SPIDR: variants seen among roughly 807,000 people sequenced by gnomAD.
SPIDR encodes DNA repair-scaffolding protein.
In SPIDR, 93 loss-of-function variants were observed where a neutral mutation model predicts 104.6. The ratio of observed to expected loss-of-function variants is 0.89; its 90% CI spans 0.75 to 1.06. SPIDR has a LOEUF of 1.06. Among genes scored for constraint, SPIDR ranks in the 50% least tolerant of loss-of-function variants. The pLI, the probability that SPIDR is intolerant of heterozygous loss-of-function variation, is 0.00. For missense variants in SPIDR, 1,154 were observed against 1,111.2 expected (o/e 1.04, Z -0.55); for synonymous variants, 431 against 416.9 (o/e 1.03, Z -0.41).
chr8:47,338,602 T>A (rs1338897648), intron 5 of SPIDR, among the ~76,000 whole-genome samples: 1 of 152,168 alleles, frequency 6.6e-6, no homozygotes. Flanking sequence ...AATGAAGAAC[T>A]TAGAGATGGT....
At chr8:47,500,917 T>G (rs1211095720) in intron 8 of SPIDR, among the ~76,000 whole-genome samples, 1 of 152,194 alleles carries the variant, frequency 6.6e-6, no homozygotes, top group Non-Finnish European at 1.5e-5. Flanking sequence ...CCCCATTGCT[T>G]GTTTTTGTCA....
At chr8:47,305,730 G>GTTA (rs2042987378) in intron 5 of SPIDR, among the ~76,000 whole-genome samples, 3 of 152,130 alleles carry the variant, frequency 2.0e-5, no homozygotes, top group African/African-American at 7.2e-5. Flanking sequence ...AGAATAAAAT[G>GTTA]ATATGACTAG....
At chr8:47,657,559 T>TA (rs1345840602) in intron 10 of SPIDR, among the ~76,000 whole-genome samples, 2 of 152,090 alleles carry the variant, frequency 1.3e-5, no homozygotes, top group Non-Finnish European at 1.5e-5. Context: ...CACATACAAG[T>TA]AAAAGAGTGG....
At chr8:47,594,794 G>A (rs2061465390) in intron 8 of SPIDR, among the ~76,000 whole-genome samples, 1 of 152,042 alleles carries the variant, frequency 6.6e-6, no homozygotes, top group Non-Finnish European at 1.5e-5. Context: ...AGGAGTTTGA[G>A]ACCAATCTGG....
intron 8 of SPIDR, among the ~76,000 whole-genome samples, chr8:47,572,803 A>G (rs913200022): frequency 3.3e-5 from 5 of 152,188 alleles, no homozygotes; most frequent in Admixed American, 6.5e-5. Flanking sequence ...AAAGGCTTCC[A>G]TCGGATGGGT....
intron 5 of SPIDR, among the ~76,000 whole-genome samples, chr8:47,325,664 A>G (rs1200503274): frequency 1.3e-5 from 2 of 152,166 alleles, no homozygotes; most frequent in Non-Finnish European, 2.9e-5. Flanking sequence ...CAGACAATCT[A>G]TCCCTTTTTC....
intron 8 of SPIDR, among the ~76,000 whole-genome samples, chr8:47,561,791 G>A (rs572389291): frequency 3.1e-4 from 47 of 152,158 alleles, no homozygotes; most frequent in Admixed American, 6.6e-4. Flanking sequence ...ACTATGGGTC[G>A]ACATATAGCC....
intron 8 of SPIDR, among the ~76,000 whole-genome samples, chr8:47,586,038 T>G (rs1271276547): frequency 6.6e-6 from 1 of 152,212 alleles, no homozygotes; most frequent in Non-Finnish European, 1.5e-5. Flanking sequence ...CTCTGGAGAT[T>G]AATACAAGTC....
At chr8:47,413,220 C>T (rs782336675) in intron 7 of SPIDR, among the ~76,000 whole-genome samples, 28 of 152,222 alleles carry the variant, frequency 1.8e-4, no homozygotes, top group African/African-American at 3.1e-4. Flanking sequence ...TTGCATACTG[C>T]GTTGACATTC....
In SPIDR at chr8:47,352,293, G is replaced by GA. The variant is rs2053677435; in HGVS notation, c.526-44080dup. On this transcript the variant is annotated intron_variant, in intron 5 of 19. Transcript: ENST00000297423. ...TCCATCTCAACAAAAAAAAAAAAAA[G>GA]AAAGAAAGAAAATAATTTGACCGTG... Among the ~76,000 whole-genome samples, 7 of 139,224 alleles carry GA rather than the reference G, an allele frequency of 5.0e-5. No individual in the cohort carries two copies. In the South Asian group the frequency reaches 1.6e-3, roughly 32 times the overall value. 91.3% of individuals were successfully genotyped at this position (139,224 alleles called of 152,430 possible).
intron 5 of SPIDR, among the ~76,000 whole-genome samples, chr8:47,321,798 A>C (rs1235293320): frequency 6.6e-6 from 1 of 152,190 alleles, no homozygotes; most frequent in South Asian, 2.1e-4. Context: ...CCACATATCT[A>C]CAACCATCTG....
Position 47,293,867 on chromosome 8 carries a change from A to T in SPIDR, c.362A>T (p.Asp121Val). 1 of 1,599,496 alleles carries T rather than the reference A, an allele frequency of 6.3e-7. No homozygotes were observed. The highest frequency in any genetic ancestry group is 8.5e-7 in the Non-Finnish European group (1 of 1,173,282). Residue 121 changes from aspartate (D) to valine (V), a missense_variant and splice_region_variant, in exon 5 of 20, where the codon GAT (aspartate) becomes GTT (valine). By Grantham distance (152) the Asp-to-Val change is radical. Transcript: ENST00000297423. ...GCAAGTTAAAAATTATATTTTTTAG[A>T]TGAATTACAGTTTATCGACTGGGAG... ...EDKTLSQLQR[D>V]ELQFIDWEID...
chr8:47,367,506 A>G (rs1216966951), intron 5 of SPIDR, among the ~76,000 whole-genome samples: 13 of 152,212 alleles, frequency 8.5e-5, no homozygotes, highest in Admixed American at 7.9e-4. Context: ...GTTTGCGGTA[A>G]TTTGTTACAC....
At chr8:47,463,271 G>A (rs2074238127) in intron 8 of SPIDR, among the ~76,000 whole-genome samples, 5 of 151,482 alleles carry the variant, frequency 3.3e-5, no homozygotes, top group Admixed American at 2.0e-4. Flanking sequence ...TGAGGCAGGA[G>A]AATGCCATGA....
intron 10 of SPIDR, among the ~76,000 whole-genome samples, chr8:47,625,600 A>T (rs539245198): frequency 6.1e-4 from 93 of 151,352 alleles, no homozygotes; most frequent in African/African-American, 2.1e-3. Context: ...ATAACAGGCA[A>T]ACAGAGAGCC....
intron 7 of SPIDR, among the ~76,000 whole-genome samples, chr8:47,419,756 A>G (rs2154332903): frequency 6.6e-6 from 1 of 152,104 alleles, no homozygotes; most frequent in East Asian, 1.9e-4. Context: ...GTGGGCATTT[A>G]GTGCTATAAA....
chr8:47,578,221 C>T, intron 8 of SPIDR, among the ~76,000 whole-genome samples: 1 of 152,092 alleles, frequency 6.6e-6, no homozygotes, highest in Non-Finnish European at 1.5e-5. Flanking sequence ...GCCTGTAATC[C>T]CAGCACTTTG....
At chr8:47,285,784 A>G (rs375993121) in intron 3 of SPIDR, among the ~76,000 whole-genome samples, 13,424 of 152,190 alleles carry the variant, frequency 0.088, 755 homozygotes, top group African/African-American at 0.16. Context: ...ATAAAGTCAC[A>G]TTCTGAGGTA....
intron 16 of SPIDR, among the ~76,000 whole-genome samples, chr8:47,715,776 A>T (rs760607548): frequency 2.3e-4 from 35 of 152,272 alleles, no homozygotes; most frequent in Middle Eastern, 3.4e-3. Flanking sequence ...CTTTTTGGCT[A>T]CTACGAATAA....
Sources: gnomAD v4.1 joint callset for allele counts (sites outside exome capture counted in the v4.1 genomes callset) on GRCh38, gnomAD v4.1.1 for gene constraint, MANE v1.5 for transcripts, NCBI Gene and HGNC (gene_info 2026-07-23, HGNC 2026-07-21) for gene names.